LRRC75A: variants seen among roughly 807,000 people sequenced by gnomAD.
LRRC75A encodes the protein leucine-rich repeat-containing protein 75A.
In LRRC75A, 12 loss-of-function variants were observed where a neutral mutation model predicts 26.0. The ratio of observed to expected loss-of-function variants is 0.46; its 90% CI spans 0.30 to 0.75. The LOEUF is 0.75. Among genes scored for constraint, LRRC75A ranks in the 30% least tolerant of loss-of-function variants. The pLI is 0.08. For missense variants in LRRC75A, 410 were observed against 486.6 expected (o/e 0.84, Z 1.48); for synonymous variants, 223 against 219.3 (o/e 1.02, Z -0.15).
chr17:16,479,549 A>T (rs141570186), intron 1 of LRRC75A, among the ~76,000 whole-genome samples: 3 of 152,312 alleles, frequency 2.0e-5, no homozygotes, highest in African/African-American at 7.2e-5. Context: ...CACTTCTCAT[A>T]AAGGCACTCT....
In LRRC75A at chr17:16,462,130, G is replaced by T. The variant is rs2093731960; in HGVS notation, c.375+128C>A. 2 of 1,212,876 alleles carry T rather than the reference G, an allele frequency of 1.6e-6. No individual in the cohort carries two copies. Among genetic ancestry groups the T allele is most frequent in the African/African-American group, 1.5e-5 (1 of 65,806 alleles). 75.1% of individuals were successfully genotyped at this position (1,212,876 alleles called of 1,614,324 possible). ...AGGGAGAGCACCTCAAGCTCTTGGT[G>T]CCTGGAGGACGGGCTTGTCCTCCTT... On this transcript the variant is annotated intron_variant, in intron 2 of 3. Coordinates refer to ENST00000470794, the MANE Select transcript of LRRC75A (RefSeq NM_001113567.3). This position sits in a 1 kb window ranked among gnomAD's most constrained non-coding sequence, Gnocchi z 4.6.
intron 1 of LRRC75A, among the ~76,000 whole-genome samples, chr17:16,470,809 A>G (rs1401885791): frequency 6.6e-6 from 1 of 152,236 alleles, no homozygotes; most frequent in Admixed American, 6.5e-5. Flanking sequence ...ACGGAATCAT[A>G]AACAACAGAA....
chr17:16,444,920 T>C (rs1209254013), intron 3 of LRRC75A, among the ~76,000 whole-genome samples: 1 of 149,528 alleles, frequency 6.7e-6, no homozygotes, highest in African/African-American at 2.5e-5. Context: ...ACGATCTTGG[T>C]TCACTGCACC....
intron 2 of LRRC75A, chr17:16,448,368 G>T (rs2093604049): frequency 4.2e-6 from 1 of 238,032 alleles, no homozygotes. Context: ...CTTGTTCTAG[G>T]AAGCTAGGAT....
In LRRC75A at chr17:16,476,955, G is replaced by A. The variant is rs545511334; in HGVS notation, c.247-14569C>T. Among the ~76,000 whole-genome samples the A allele has an allele frequency of 7.8e-3, 1,168 of 150,110 alleles. 23 individuals are homozygous for A. Among genetic ancestry groups the A allele is most frequent in the African/African-American group, 0.026 (1,048 of 40,054 alleles). ...GGGTTTCACCGTGTTAGCCAGGATGGTCTCAATCTCCTGACCTTGTGATCC... is the reference window on the plus strand; with the variant it reads ...GGGTTTCACCGTGTTAGCCAGGATGATCTCAATCTCCTGACCTTGTGATCC... On this transcript the variant is annotated intron_variant, in intron 1 of 3. Transcript: ENST00000470794.
intron 2 of LRRC75A, among the ~76,000 whole-genome samples, chr17:16,457,997 A>AAAC (rs934582075): frequency 5.3e-5 from 8 of 151,724 alleles, no homozygotes; most frequent in South Asian, 2.1e-4. Flanking sequence ...AAACAAATAC[A>AAAC]AACAACAACA....
chr17:16,444,228 G>C, intron 3 of LRRC75A, 97 bp from the exon 4 acceptor site: 2 of 1,054,158 alleles, frequency 1.9e-6, no homozygotes, highest in Non-Finnish European at 2.7e-6. Flanking sequence ...CCGACGCTAG[G>C]GACTGCTTTT....
At chr17:16,480,565 GTTGCAGTGAGCTGAGA>G (rs1293138550) in intron 1 of LRRC75A, among the ~76,000 whole-genome samples, 1 of 147,000 alleles carries the variant, frequency 6.8e-6, no homozygotes, top group Non-Finnish European at 1.5e-5. Flanking sequence ...GGAGGTGGAG[GTTGCAGTGAGCTGAGA>G]TTGCACCACT....
chr17:16,491,678 G>A lies in LRRC75A; in HGVS notation c.246+67C>T, dbSNP rs1309910259. 24 of 1,167,788 alleles carry A rather than the reference G, an allele frequency of 2.1e-5. 1 individual carries two copies. In the Admixed American group the frequency reaches 9.8e-4, roughly 48 times the overall value. The allele number at this position is 1,167,788 out of a possible 1,614,324, so 72.3% of individuals were successfully genotyped here. A position where few individuals can be genotyped will look rare whatever the true frequency, so the allele number is the denominator to read the frequency against. ...CCCCGGCTTCCTCGGTTAGGGATGG[G>A]GCGCCCCCCCCGGCCCAGCACGCCC... On this transcript the variant is annotated intron_variant, in intron 1 of 3. Transcript: ENST00000470794. The surrounding 1 kb of genome is among the most constrained non-coding windows in gnomAD (Gnocchi z 5.9).
At chr17:16,466,221 T>C (rs983310894) in intron 1 of LRRC75A, among the ~76,000 whole-genome samples, 3 of 152,298 alleles carry the variant, frequency 2.0e-5, no homozygotes, top group Middle Eastern at 3.4e-3. Flanking sequence ...CCCACAGGGC[T>C]GGGTGTGAGG....
intron 1 of LRRC75A, among the ~76,000 whole-genome samples, chr17:16,486,645 G>A (rs751624657): frequency 7.9e-5 from 12 of 152,204 alleles, no homozygotes; most frequent in Non-Finnish European, 1.5e-4. Flanking sequence ...CGCCACCTCG[G>A]CAGAGGCCCC....
chr17:16,478,077 C>T (rs977774081), intron 1 of LRRC75A, among the ~76,000 whole-genome samples: 1 of 150,940 alleles, frequency 6.6e-6, no homozygotes, highest in Non-Finnish European at 1.5e-5. Context: ...GGTGGACTCC[C>T]TCCCTCAGAG....
chr17:16,448,477 A>G (rs1300368977), intron 2 of LRRC75A, among the ~76,000 whole-genome samples: 2 of 152,206 alleles, frequency 1.3e-5, no homozygotes, highest in East Asian at 3.8e-4. Context: ...GAACAAATGA[A>G]TGAGGAGGCC....
intron 1 of LRRC75A, among the ~76,000 whole-genome samples, chr17:16,490,336 G>A (rs367952680): frequency 1.1e-4 from 16 of 152,152 alleles, no homozygotes; most frequent in South Asian, 2.1e-4. Flanking sequence ...TTACTATAAA[G>A]GCCATATGTC....
At chr17:16,489,796 G>GAGCCCAGA (rs2093853705) in intron 1 of LRRC75A, among the ~76,000 whole-genome samples, 1 of 152,208 alleles carries the variant, frequency 6.6e-6, no homozygotes, top group Non-Finnish European at 1.5e-5. Flanking sequence ...AGCCCAACAG[G>GAGCCCAGA]AGCCCAGAAG....
intron 1 of LRRC75A, among the ~76,000 whole-genome samples, chr17:16,476,152 A>C (rs2093819233): frequency 6.6e-6 from 1 of 152,158 alleles, no homozygotes. Flanking sequence ...CTGAGATTGC[A>C]CCACTGCACT....
intron 1 of LRRC75A, among the ~76,000 whole-genome samples, chr17:16,480,271 C>G (rs908475486): frequency 3.3e-5 from 5 of 152,142 alleles, no homozygotes; most frequent in Admixed American, 6.5e-5. Flanking sequence ...CATCTCAAAA[C>G]CATCCCCCAC....
chr17:16,487,488 G>A (rs1601207341), intron 1 of LRRC75A, among the ~76,000 whole-genome samples: 1 of 152,162 alleles, frequency 6.6e-6, no homozygotes, highest in African/African-American at 2.4e-5. Flanking sequence ...GCCCAGGCTG[G>A]AGTGCAGAGG....
chr17:16,458,237 G>T (rs1350593501), intron 2 of LRRC75A, among the ~76,000 whole-genome samples: 1 of 151,910 alleles, frequency 6.6e-6, no homozygotes, highest in Admixed American at 6.6e-5. Context: ...AACCCGGGAG[G>T]CAGAGGTTGC....
Sources: allele counts gnomAD v4.1 joint callset (sites outside exome capture counted in the v4.1 genomes callset), GRCh38; gene constraint gnomAD v4.1.1; non-coding constraint Gnocchi (gnomAD v3.1); transcripts MANE v1.5; gene names NCBI Gene and HGNC (gene_info 2026-07-23, HGNC 2026-07-21).